PRKACB: variants seen among roughly 807,000 people sequenced by gnomAD.
PRKACB encodes cAMP-dependent protein kinase catalytic subunit beta.
Under a neutral mutation model 51.4 loss-of-function variants are expected in PRKACB, and 16 were observed. The ratio of observed to expected loss-of-function variants is 0.31; its 90% CI spans 0.21 to 0.47. The LOEUF (loss-of-function observed/expected upper bound fraction) is 0.47, where lower values mean the gene tolerates loss of function less well. Ranked by LOEUF, PRKACB falls within the 20% of genes least tolerant of loss-of-function variation. The pLI, the probability that PRKACB is intolerant of heterozygous loss-of-function variation, is 1.00. For synonymous variants in PRKACB, 147 were observed against 154.4 expected, an observed-to-expected ratio of 0.95 and a Z score of 0.35; for missense variants, 309 against 464.5, an observed-to-expected ratio of 0.67 and a Z score of 3.08.
chr1:84,130,612 G>A (rs1485168256), intron 1 of PRKACB, among the ~76,000 whole-genome samples: 1 of 152,132 alleles, frequency 6.6e-6, no homozygotes, highest in East Asian at 1.9e-4. Context: ...TAAAAAAATT[G>A]AATATGTAAT....
chr1:84,185,839 G>A lies in PRKACB; in HGVS notation c.560+657G>A, dbSNP rs561496933. On this transcript the variant is annotated intron_variant, in intron 5 of 9. Transcript: ENST00000370685. ...AAAGCTAAAATAAAAAACAGGTACAGCTTCATTCAGTATAGTGTGTTGAAG... is the reference window on the plus strand; with the variant it reads ...AAAGCTAAAATAAAAAACAGGTACAACTTCATTCAGTATAGTGTGTTGAAG... 5.7e-4 allele frequency among the ~76,000 whole-genome samples: 86 copies of A among 152,210 alleles called. 1 individual carries two copies. The South Asian group carries it at 0.017, about 30-fold the overall frequency.
At chr1:84,228,890 C>T (rs1342364605) in intron 9 of PRKACB, among the ~76,000 whole-genome samples, 1 of 151,320 alleles carries the variant, frequency 6.6e-6, no homozygotes, top group Admixed American at 6.6e-5. Flanking sequence ...CCTTAGGAGC[C>T]AGGATTTTGA....
At chr1:84,109,709 T>C (rs760573406) in intron 1 of PRKACB, among the ~76,000 whole-genome samples, 1 of 151,924 alleles carries the variant, frequency 6.6e-6, no homozygotes, top group African/African-American at 2.4e-5. Flanking sequence ...TAGCCTCTCA[T>C]ATTTTTACTT....
At chr1:84,201,407 T>C (rs1335710662) in intron 7 of PRKACB, among the ~76,000 whole-genome samples, 1 of 152,102 alleles carries the variant, frequency 6.6e-6, no homozygotes, top group African/African-American at 2.4e-5. Context: ...TATTGATGTG[T>C]TTTGATTTCT....
intron 2 of PRKACB, among the ~76,000 whole-genome samples, chr1:84,180,218 G>C (rs1662943416): frequency 5.9e-5 from 1 of 16,920 alleles, no homozygotes; most frequent in South Asian, 2.3e-3. Flanking sequence ...ATGTATGATG[G>C]AGTACTATGC....
chr1:84,214,367 A>G (rs2101579732), intron 9 of PRKACB, 50 bp downstream of exon 9: 1 of 1,460,514 alleles, frequency 6.8e-7, no homozygotes, highest in South Asian at 1.4e-5. Context: ...TGGTGTTTAA[A>G]TTATATGTGG....
intron 1 of PRKACB, among the ~76,000 whole-genome samples, chr1:84,162,688 T>C (rs1656357086): frequency 6.6e-6 from 1 of 152,078 alleles, no homozygotes; most frequent in Non-Finnish European, 1.5e-5. Context: ...ATTACTGTCG[T>C]GTTTTCCTTT....
intron 1 of PRKACB, among the ~76,000 whole-genome samples, chr1:84,124,187 A>C (rs1167554582): frequency 2.0e-5 from 3 of 152,212 alleles, no homozygotes; most frequent in Non-Finnish European, 4.4e-5. Flanking sequence ...TCACAAAAAG[A>C]AGTATAAACA....
chr1:84,157,455 TATTA>T (rs1655647311), intron 1 of PRKACB: 1 of 152,180 alleles, frequency 6.6e-6, no homozygotes, highest in Admixed American at 6.5e-5. Flanking sequence ...TATAATTCAG[TATTA>T]ATTAGTAAAT....
chr1:84,089,796 C>A (rs1340636986), intron 1 of PRKACB, among the ~76,000 whole-genome samples: 2 of 152,102 alleles, frequency 1.3e-5, no homozygotes, highest in East Asian at 3.9e-4. Flanking sequence ...TCTTTGATCA[C>A]AATTTCCTCT....
At chr1:84,197,665 G>T (rs989756472) in intron 6 of PRKACB, 64 bp from the exon 7 acceptor site, 13 of 1,035,876 alleles carry the variant, frequency 1.3e-5, no homozygotes, top group Non-Finnish European at 1.8e-5. Flanking sequence ...TTCAACGTAG[G>T]TGCAATAAAT....
At chr1:84,101,171 A>C (rs1557930802) in intron 1 of PRKACB, among the ~76,000 whole-genome samples, 1 of 152,172 alleles carries the variant, frequency 6.6e-6, no homozygotes, top group Non-Finnish European at 1.5e-5. Context: ...TAAAATCTAT[A>C]GGGCAATCTG....
chr1:84,092,504 G>A (rs996063511), intron 1 of PRKACB, among the ~76,000 whole-genome samples: 42 of 152,098 alleles, frequency 2.8e-4, no homozygotes, highest in African/African-American at 9.4e-4. Flanking sequence ...ATATATGTAT[G>A]TTTTGGTGAA....
intron 9 of PRKACB, among the ~76,000 whole-genome samples, chr1:84,234,148 T>A (rs1404988336): frequency 6.6e-6 from 1 of 152,250 alleles, no homozygotes; most frequent in African/African-American, 2.4e-5. Context: ...GACCCTCAGC[T>A]GCAGGTCTGT....
At chr1:84,088,704 A>G (rs1231320328) in intron 1 of PRKACB, among the ~76,000 whole-genome samples, 9 of 152,208 alleles carry the variant, frequency 5.9e-5, no homozygotes, top group Non-Finnish European at 4.4e-5. Flanking sequence ...TCATAGAATG[A>G]CAGGCAAAAC....
chr1:84,217,368 C>A (rs950023822), intron 9 of PRKACB, among the ~76,000 whole-genome samples: 4 of 152,050 alleles, frequency 2.6e-5, no homozygotes, highest in African/African-American at 9.7e-5. Flanking sequence ...GCAGTTCAGT[C>A]CTATGATCTC....
chr1:84,080,364 T>C (rs1303438719), intron 1 of PRKACB, among the ~76,000 whole-genome samples: 2 of 152,226 alleles, frequency 1.3e-5, no homozygotes, highest in Non-Finnish European at 2.9e-5. Flanking sequence ...TTAAATTATT[T>C]CTATGGATAA....
intron 1 of PRKACB, among the ~76,000 whole-genome samples, chr1:84,086,854 G>A (rs751895468): frequency 2.6e-5 from 4 of 152,180 alleles, no homozygotes; most frequent in Non-Finnish European, 5.9e-5. Context: ...GCCCTGGAGA[G>A]CCTTGACTCT....
intron 1 of PRKACB, among the ~76,000 whole-genome samples, chr1:84,114,433 A>G (rs1650469749): frequency 6.6e-6 from 1 of 152,178 alleles, no homozygotes; most frequent in South Asian, 2.1e-4. Flanking sequence ...GATAGTAATC[A>G]GGAGGGCCTT....
Sources: allele counts gnomAD v4.1 joint callset (sites outside exome capture counted in the v4.1 genomes callset), GRCh38; gene constraint gnomAD v4.1.1; transcripts MANE v1.5; gene names NCBI Gene and HGNC (gene_info 2026-07-23, HGNC 2026-07-21).